Variants in PDE11A observed in about 807,000 individuals in gnomAD.
The protein encoded by PDE11A is phosphodiesterase 11A.
In PDE11A, 100 loss-of-function variants were observed where a neutral mutation model predicts 100.5. The observed-to-expected ratio is 1.00, with a 90% CI of 0.85 to 1.18. The LOEUF is 1.18. Ranked by LOEUF, PDE11A falls within the 50% of genes most tolerant of loss-of-function variation. The pLI is 0.00. For missense variants in PDE11A, 1,141 were observed against 1,152.6 expected (o/e 0.99, Z 0.15); for synonymous variants, 381 against 420.8 (o/e 0.91, Z 1.16).
intron 19 of PDE11A, among the ~76,000 whole-genome samples, chr2:177,631,304 AAAAAAAC>A (rs2079917137): frequency 7.8e-6 from 1 of 128,092 alleles, no homozygotes; most frequent in Non-Finnish European, 1.5e-5. Context: ...AAAAAAAAAA[AAAAAAAC>A]AAAAAAAAAA....
At chr2:177,834,741 C>T (rs2083365569) in intron 6 of PDE11A, among the ~76,000 whole-genome samples, 1 of 152,248 alleles carries the variant, frequency 6.6e-6, no homozygotes, top group Non-Finnish European at 1.5e-5. Context: ...GGTTTCTCCC[C>T]CAGGAATCTT....
At chr2:177,840,502 A>G (rs941774188) in intron 5 of PDE11A, 119 bp from the exon 6 acceptor site, 2 of 852,950 alleles carry the variant, frequency 2.3e-6, no homozygotes, top group Non-Finnish European at 1.9e-6. Context: ...AAAATAAGTG[A>G]CATTAGTCAC....
intron 15 of PDE11A, among the ~76,000 whole-genome samples, chr2:177,694,460 T>A (rs974885081): frequency 2.0e-5 from 3 of 152,106 alleles, no homozygotes; most frequent in Non-Finnish European, 4.4e-5. Flanking sequence ...GATATTTAAG[T>A]CAACCAAAGG....
intron 5 of PDE11A, among the ~76,000 whole-genome samples, chr2:177,848,566 G>C (rs756668327): frequency 4.6e-5 from 7 of 152,192 alleles, no homozygotes; most frequent in Admixed American, 1.3e-4. Context: ...GTGGTATCTT[G>C]CTTCCAAATG....
chr2:177,928,393 G>T (rs981827246), intron 2 of PDE11A, among the ~76,000 whole-genome samples: 16 of 152,158 alleles, frequency 1.1e-4, no homozygotes, highest in African/African-American at 3.4e-4. Context: ...AGCTATTCAG[G>T]AGTCTGAAGC....
intron 19 of PDE11A, among the ~76,000 whole-genome samples, chr2:177,663,438 TG>T (rs200868919): frequency 0.052 from 7,739 of 149,806 alleles, 292 homozygotes; most frequent in Admixed American, 0.076. Context: ...AAAGAAAATT[TG>T]TAAAAAAAAA....
intron 5 of PDE11A, among the ~76,000 whole-genome samples, chr2:177,840,917 A>G (rs964274378): frequency 6.6e-6 from 1 of 152,252 alleles, no homozygotes; most frequent in Non-Finnish European, 1.5e-5. Flanking sequence ...TTTTGATAAC[A>G]TTAATATTTT....
At chr2:178,004,161 A>C (rs2086177148) in intron 2 of PDE11A, among the ~76,000 whole-genome samples, 1 of 152,162 alleles carries the variant, frequency 6.6e-6, no homozygotes, top group African/African-American at 2.4e-5. Flanking sequence ...TAACAGTATT[A>C]TCTCTGAAAG....
At position 177,682,590 on chromosome 2, in the gene PDE11A, TTTTGA is replaced by T. The variant is rs1389690267; in HGVS notation, c.2346-1692_2346-1688del. 1.3e-5 allele frequency among the ~76,000 whole-genome samples: 2 copies of T among 152,336 alleles called. 1 individual carries two copies. The highest frequency in any genetic ancestry group is 4.1e-4 in the South Asian group (2 of 4,828). ...AAAGGAAAAAAAGAGGACATCACCA[TTTTGA>T]TTTAAGAATCACTTCCCAAGTTTTC... On this transcript the variant is annotated intron_variant, in intron 15 of 19. Coordinates refer to ENST00000286063, the MANE Select transcript of PDE11A (RefSeq NM_016953.4).
intron 10 of PDE11A, among the ~76,000 whole-genome samples, chr2:177,735,881 T>C (rs2081771755): frequency 6.6e-6 from 1 of 152,198 alleles, no homozygotes; most frequent in South Asian, 2.1e-4. Context: ...GTCTCCATTC[T>C]CTATGGCCAA....
chr2:177,991,755 G>T (rs1290450720), intron 2 of PDE11A, among the ~76,000 whole-genome samples: 3 of 150,104 alleles, frequency 2.0e-5, no homozygotes, highest in African/African-American at 4.9e-5. Flanking sequence ...GGTCAGGATA[G>T]AATTCTTCTA....
At chr2:177,964,602 A>C (rs556388630) in intron 2 of PDE11A, among the ~76,000 whole-genome samples, 7 of 152,216 alleles carry the variant, frequency 4.6e-5, no homozygotes, top group African/African-American at 1.7e-4. Flanking sequence ...ATATGTTCTC[A>C]ATGTTTAGCT....
chr2:177,999,352 C>T (rs2086115663), intron 2 of PDE11A, among the ~76,000 whole-genome samples: 1 of 152,194 alleles, frequency 6.6e-6, no homozygotes, highest in Non-Finnish European at 1.5e-5. Context: ...TATTCTGATG[C>T]CTCACTCTGG....
intron 1 of PDE11A, among the ~76,000 whole-genome samples, chr2:178,040,305 C>T (rs910454211): frequency 6.6e-6 from 1 of 152,114 alleles, no homozygotes; most frequent in Non-Finnish European, 1.5e-5. Context: ...ATCCACCCAC[C>T]TCGGCTTCCC....
intron 15 of PDE11A, among the ~76,000 whole-genome samples, chr2:177,690,239 A>G (rs1431838711): frequency 6.6e-6 from 1 of 152,230 alleles, no homozygotes; most frequent in Non-Finnish European, 1.5e-5. Flanking sequence ...TTATAATAAT[A>G]TATAATTTCA....
chr2:177,782,388 A>T (rs1190414421), intron 9 of PDE11A, among the ~76,000 whole-genome samples: 2 of 152,226 alleles, frequency 1.3e-5, no homozygotes, highest in Non-Finnish European at 2.9e-5. Flanking sequence ...AATAAACAAA[A>T]CATTATCAAC....
At chr2:177,745,687 G>A (rs1271842414) in intron 10 of PDE11A, among the ~76,000 whole-genome samples, 1 of 152,198 alleles carries the variant, frequency 6.6e-6, no homozygotes, top group African/African-American at 2.4e-5. Flanking sequence ...TTATGCTGGA[G>A]AGCACTAGGA....
At chr2:178,036,896 T>C (rs2086621645) in intron 1 of PDE11A, among the ~76,000 whole-genome samples, 1 of 152,114 alleles carries the variant, frequency 6.6e-6, no homozygotes, top group African/African-American at 2.4e-5. Context: ...GACTTAAATG[T>C]AAAACCCAAA....
chr2:177,799,763 A>G (rs1222645323), intron 9 of PDE11A, among the ~76,000 whole-genome samples: 2 of 152,156 alleles, frequency 1.3e-5, no homozygotes, highest in African/African-American at 4.8e-5. Context: ...TCCTTTCTGT[A>G]CTGTCTGAGC....
Sources: allele counts gnomAD v4.1 joint callset (sites outside exome capture counted in the v4.1 genomes callset), GRCh38; gene constraint gnomAD v4.1.1; transcripts MANE v1.5; gene names NCBI Gene and HGNC (gene_info 2026-07-23, HGNC 2026-07-21).